RIMS2: variants seen among roughly 807,000 people sequenced by gnomAD.
The protein encoded by RIMS2 is regulating synaptic membrane exocytosis protein 2.
Under a neutral mutation model 174.4 loss-of-function variants are expected in RIMS2, and 59 were observed. The observed-to-expected ratio is 0.34, with a 90% CI of 0.27 to 0.42. The LOEUF (loss-of-function observed/expected upper bound fraction) is 0.42. Among genes scored for constraint, RIMS2 ranks in the 10% least tolerant of loss-of-function variants. The pLI is 1.00. For missense variants in RIMS2, 1,620 were observed against 1,666.3 expected (o/e 0.97, Z 0.48); for synonymous variants, 606 against 572.5 (o/e 1.06, Z -0.84).
rs1236078653 is a variant in RIMS2 at position 104,077,853 on chromosome 8, TTGG to T, written c.3334+63245_3334+63247del. ...ACATAAAAGATCTACAGTTAAAAAC[TTGG>T]TGGTGGCCGGGCACGGTGGCTCACG... On this transcript the variant is annotated intron_variant, in intron 19 of 23. Transcript: ENST00000504942. Among the ~76,000 whole-genome samples, 5 of 151,268 alleles carry T rather than the reference TTGG, an allele frequency of 3.3e-5. No homozygotes were observed. The South Asian group carries it at 1.0e-3, about 32-fold the overall frequency.
At chr8:103,541,142 C>T (rs754507012) in intron 1 of RIMS2, among the ~76,000 whole-genome samples, 10 of 152,096 alleles carry the variant, frequency 6.6e-5, no homozygotes, top group Admixed American at 3.9e-4. Context: ...TATCCAATTA[C>T]AGGAAGGTCA....
At position 103,525,869 on chromosome 8, in the gene RIMS2, T is replaced by A. The variant is rs559402847; in HGVS notation, c.176+24807T>A. ...GGTGGATTAGGCAATTTGGACTAACTCTTCCACTGAGAACAACTAGAAAAG... is the reference window on the plus strand; with the variant it reads ...GGTGGATTAGGCAATTTGGACTAACACTTCCACTGAGAACAACTAGAAAAG... On this transcript the variant is annotated intron_variant, in intron 1 of 23. Coordinates refer to ENST00000504942, the Ensembl canonical transcript of RIMS2. Among the ~76,000 whole-genome samples the A allele has an allele frequency of 9.2e-5, 14 of 152,294 alleles. 1 individual carries two copies. In the South Asian group the frequency reaches 2.9e-3, roughly 32 times the overall value.
intron 3 of RIMS2, among the ~76,000 whole-genome samples, chr8:103,834,548 T>C (rs2098846700): frequency 6.6e-6 from 1 of 151,740 alleles, no homozygotes; most frequent in Non-Finnish European, 1.5e-5. Flanking sequence ...TTTGGCAGTG[T>C]TTTTAATACA....
intron 19 of RIMS2, among the ~76,000 whole-genome samples, chr8:104,022,114 G>GT (rs1356483009): frequency 6.6e-6 from 1 of 152,160 alleles, no homozygotes; most frequent in African/African-American, 2.4e-5. Context: ...ATCTACAGAA[G>GT]TAACTGGAGA....
At chr8:103,587,973 T>C (rs2430746) in intron 1 of RIMS2, among the ~76,000 whole-genome samples, 52,610 of 151,770 alleles carry the variant, frequency 0.35, 9,897 homozygotes, top group East Asian at 0.77. Context: ...ATTATCCTTG[T>C]TTACAGATGA....
intron 1 of RIMS2, among the ~76,000 whole-genome samples, chr8:103,672,242 C>G (rs759640712): frequency 2.0e-5 from 3 of 151,634 alleles, no homozygotes; most frequent in Admixed American, 6.6e-5. Context: ...AAATGTTGAA[C>G]AGAAATTTAT....
intron 19 of RIMS2, among the ~76,000 whole-genome samples, chr8:104,233,621 G>A (rs1354685624): frequency 6.6e-6 from 1 of 152,180 alleles, no homozygotes; most frequent in Non-Finnish European, 1.5e-5. Flanking sequence ...GTATTGAAGA[G>A]TTGGCTTCAT....
At chr8:104,223,109 T>G (rs1236983719) in intron 19 of RIMS2, among the ~76,000 whole-genome samples, 1 of 152,204 alleles carries the variant, frequency 6.6e-6, no homozygotes, top group Non-Finnish European at 1.5e-5. Flanking sequence ...TTATCTGAGA[T>G]GCCTAACTCA....
chr8:103,927,384 G>A (rs1035162817), intron 10 of RIMS2, among the ~76,000 whole-genome samples: 4 of 151,442 alleles, frequency 2.6e-5, no homozygotes, highest in African/African-American at 4.8e-5. Flanking sequence ...CTTTGGAGAA[G>A]TCACACAATT....
Position 103,713,477 on chromosome 8 carries a change from A to T in RIMS2, c.387+16181A>T, listed in dbSNP as rs1391833450. Reference sequence around the variant, plus strand: ...AACTTTTTAATTGGCCCTATTTTCCACTTTGTCATCTAAGCCAGAAAGGTA... The same window carrying T: ...AACTTTTTAATTGGCCCTATTTTCCTCTTTGTCATCTAAGCCAGAAAGGTA... On this transcript the variant is annotated intron_variant, in intron 2 of 23. Transcript: ENST00000504942. Among the ~76,000 whole-genome samples, 5 of 152,154 alleles carry T rather than the reference A, an allele frequency of 3.3e-5. No homozygotes were observed. In the East Asian group the frequency reaches 9.7e-4, roughly 29 times the overall value.
chr8:103,577,713 A>G (rs2093348117), intron 1 of RIMS2, among the ~76,000 whole-genome samples: 1 of 152,248 alleles, frequency 6.6e-6, no homozygotes, highest in Admixed American at 6.5e-5. Flanking sequence ...CAAAAATGAA[A>G]AAACAATTCA....
chr8:103,659,172 G>T (rs1301431780), intron 1 of RIMS2, among the ~76,000 whole-genome samples: 1 of 152,194 alleles, frequency 6.6e-6, no homozygotes, highest in Non-Finnish European at 1.5e-5. Flanking sequence ...ACTGGTCAAA[G>T]AAGTTGATAT....
At chr8:103,732,011 C>T (rs537066370) in intron 2 of RIMS2, among the ~76,000 whole-genome samples, 1 of 152,278 alleles carries the variant, frequency 6.6e-6, no homozygotes, top group South Asian at 2.1e-4. Context: ...GATGTCTGGG[C>T]ATTGAAGAGT....
chr8:104,048,528 A>G (rs2096731326), intron 19 of RIMS2, among the ~76,000 whole-genome samples: 1 of 152,192 alleles, frequency 6.6e-6, no homozygotes, highest in Admixed American at 6.5e-5. Flanking sequence ...GAAGAACCTT[A>G]AAAATGTTCA....
At chr8:104,174,244 G>A (rs79118356) in intron 19 of RIMS2, among the ~76,000 whole-genome samples, 8,901 of 152,144 alleles carry the variant, frequency 0.059, 390 homozygotes, top group Middle Eastern at 0.13. Flanking sequence ...GCTGCACCCG[G>A]CCCTAAAGGA....
At chr8:103,811,523 C>T (rs1278922052) in intron 3 of RIMS2, among the ~76,000 whole-genome samples, 3 of 152,154 alleles carry the variant, frequency 2.0e-5, no homozygotes, top group African/African-American at 7.2e-5. Flanking sequence ...TGGCTCACTG[C>T]AACCTCTGCC....
chr8:103,799,584 AT>A (rs1454130196), intron 3 of RIMS2, among the ~76,000 whole-genome samples: 2 of 152,066 alleles, frequency 1.3e-5, no homozygotes, highest in African/African-American at 4.8e-5. Flanking sequence ...GTGCTTAAGG[AT>A]TTGTGATTTC....
chr8:104,157,042 C>T (rs2098728906), intron 19 of RIMS2, among the ~76,000 whole-genome samples: 1 of 152,138 alleles, frequency 6.6e-6, no homozygotes, highest in African/African-American at 2.4e-5. Context: ...TGTGCCTTTA[C>T]CACTAAATTT....
At chr8:103,853,462 G>A (rs536300762) in intron 3 of RIMS2, among the ~76,000 whole-genome samples, 1 of 151,908 alleles carries the variant, frequency 6.6e-6, no homozygotes, top group African/African-American at 2.4e-5. Context: ...CTTTGCTAAG[G>A]CTGAGTTGAC....
Sources: gnomAD v4.1 joint callset for allele counts (sites outside exome capture counted in the v4.1 genomes callset) on GRCh38, gnomAD v4.1.1 for gene constraint, MANE v1.5 for transcripts, NCBI Gene and HGNC (gene_info 2026-07-23, HGNC 2026-07-21) for gene names.